Variants in DAZL observed in about 807,000 individuals in gnomAD.
DAZL encodes deleted in azoospermia like.
DAZL carries 4 observed loss-of-function variants against 45.0 expected under a neutral mutation model. That is an observed-to-expected ratio of 0.09 (90% CI 0.04 to 0.20). The LOEUF (loss-of-function observed/expected upper bound fraction) is 0.20. DAZL is among the 10% of genes least tolerant of loss of function. DAZL has a pLI of 1.00. For missense variants in DAZL, 326 were observed against 351.3 expected, an observed-to-expected ratio of 0.93 and a Z score of 0.58; for synonymous variants, 122 against 112.4, an observed-to-expected ratio of 1.09 and a Z score of -0.54.
chr3:16,592,822 A>ATCCT (rs1694541184), intron 9 of DAZL, among the ~76,000 whole-genome samples: 1 of 152,206 alleles, frequency 6.6e-6, no homozygotes, highest in Non-Finnish European at 1.5e-5. Context: ...CAAATCAAGG[A>ATCCT]ATTTACACTC....
rs186172467 is a variant in DAZL, at chr3:16,601,663, T to C, written c.4-3065A>G. On this transcript the variant is annotated intron_variant, in intron 1 of 10. Transcript: ENST00000399444. ...AAGAAAGTACCATCGTAACTGTCAA[T>C]AGCATCCTGAAAACAAACTGCATTA... Among the ~76,000 whole-genome samples the C allele has an allele frequency of 1.4e-4, 22 of 152,272 alleles. No individual in the cohort carries two copies. The East Asian group carries it at 2.7e-3, about 19-fold the overall frequency.
chr3:16,597,633 T>C, intron 3 of DAZL, 92 bp from the exon 4 acceptor site: 2 of 799,152 alleles, frequency 2.5e-6, no homozygotes, highest in Non-Finnish European at 4.5e-6. Flanking sequence ...ATGACTAAAA[T>C]ATGAATAATA....
Position 16,592,042 on chromosome 3 carries a change from A to G in DAZL, c.834+8T>C. The stretch of plus-strand genomic sequence containing the variant: ...CTTTTTAATTGTGCGTAACTGTTAT[A>G]TTCATACCTTGAAGTAGTCATCTTG... On this transcript the variant is annotated splice_region_variant and intron_variant, in intron 10 of 10. Coordinates refer to ENST00000399444, the MANE Select transcript of DAZL (RefSeq NM_001351.4). 6.2e-7 allele frequency: 1 copy of G among 1,610,334 alleles called. No homozygotes were observed. Among genetic ancestry groups the G allele is most frequent in the Non-Finnish European group, 8.5e-7 (1 of 1,176,774 alleles).
At position 16,592,162 on chromosome 3, in the gene DAZL, G is replaced by A. The variant is rs1325545762; in HGVS notation, c.736-14C>T. On this transcript the variant is annotated splice_polypyrimidine_tract_variant and intron_variant, in intron 9 of 10. Transcript: ENST00000399444. Reference sequence around the variant, plus strand: ...GTCCACAGATTTCTGAAACACAGAAGTTTTCAGTAATGTAAAGACGACTCT... The same window carrying A: ...GTCCACAGATTTCTGAAACACAGAAATTTTCAGTAATGTAAAGACGACTCT... The A allele has an allele frequency of 1.2e-6, 2 of 1,610,574 alleles. No individual in the cohort carries two copies. The highest frequency in any genetic ancestry group is 2.2e-5 in the East Asian group (1 of 44,820).
Position 16,592,120 on chromosome 3 carries a change from A to G in DAZL, c.764T>C (p.Val255Ala), listed in dbSNP as rs1222978626. The change falls in exon 10 of 11, where the codon GTG becomes GCG. Residue 255 changes from valine (V) to alanine (A), a missense_variant. By Grantham distance (64) the Val-to-Ala change is moderately conservative. Transcript: ENST00000399444. ...KKSVDRSIQT[V>A]VSCLFNPENR... The stretch of plus-strand genomic sequence containing the variant: ...CTCTGGATTAAACAGACAAGATACC[A>G]CCGTTTGTATGCTTCGGTCCACAGA... The G allele has an allele frequency of 1.2e-6, 2 of 1,613,538 alleles. No homozygotes were observed. Among genetic ancestry groups the G allele is most frequent in the African/African-American group, 2.7e-5 (2 of 74,910 alleles).
At chr3:16,596,965 G>C in intron 5 of DAZL, 23 bp downstream of exon 5, 1 of 1,612,982 alleles carries the variant, frequency 6.2e-7, no homozygotes, top group Non-Finnish European at 8.5e-7. Context: ...TGTTTAAAAA[G>C]AACAATTTCT....
At chr3:16,594,442 A>ATATG in intron 8 of DAZL, 91 bp downstream of exon 8, 1 of 966,624 alleles carries the variant, frequency 1.0e-6, no homozygotes, top group Non-Finnish European at 1.5e-6. Context: ...ATATAGGCAT[A>ATATG]TATGACATGG....
intron 1 of DAZL, chr3:16,604,919 C>T: frequency 1.5e-6 from 1 of 673,890 alleles, no homozygotes; most frequent in Non-Finnish European, 2.5e-6. Flanking sequence ...ATGGGTGCCT[C>T]AAGAAGGCCG....
At chr3:16,605,113 T>C (rs1575421967) in intron 1 of DAZL, 90 bp downstream of exon 1, 2 of 1,520,830 alleles carry the variant, frequency 1.3e-6, no homozygotes, top group East Asian at 2.3e-5. Flanking sequence ...AAGCCGAGGA[T>C]GACTTCACTT....
chr3:16,604,648 A>C, intron 1 of DAZL: 1 of 1,273,358 alleles, frequency 7.9e-7, no homozygotes, highest in Non-Finnish European at 1.0e-6. Flanking sequence ...AAGTACAGGG[A>C]CCAGGAGGGA....
chr3:16,595,582 G>C (rs1054836275), intron 6 of DAZL, among the ~76,000 whole-genome samples, 197 bp from the exon 7 acceptor site: 1 of 151,804 alleles, frequency 6.6e-6, no homozygotes, highest in Non-Finnish European at 1.5e-5. Flanking sequence ...GGTGGGGAGG[G>C]GGAACAGACA....
rs1239341545 is a variant in DAZL at position 16,605,302 on chromosome 3, CGCT to C, written c.-100_-98del. On this transcript the variant is annotated 5_prime_UTR_variant, in exon 1 of 11. Transcript: ENST00000399444. ...GGCTGCTGTGAGGTCCGCTGGAACC[CGCT>C]GCGCGGCTTCGAGTGGTCAAAGGAG... The C allele has an allele frequency of 6.8e-7, 1 of 1,465,420 alleles. No homozygotes were observed. The highest frequency in any genetic ancestry group is 9.6e-7 in the Non-Finnish European group (1 of 1,044,622). The allele number at this position is 1,465,420 out of a possible 1,614,324, so 90.8% of individuals were successfully genotyped here. A position where few individuals can be genotyped will look rare whatever the true frequency, so the allele number is the denominator to read the frequency against.
chr3:16,600,244 A>G (rs977304160), intron 1 of DAZL, among the ~76,000 whole-genome samples: 1 of 152,232 alleles, frequency 6.6e-6, no homozygotes, highest in South Asian at 2.1e-4. Context: ...TTTGAAAAGC[A>G]CAGTAATTTT....
intron 10 of DAZL, among the ~76,000 whole-genome samples, chr3:16,590,866 G>A (rs1694507874): frequency 6.6e-6 from 1 of 151,326 alleles, no homozygotes; most frequent in Non-Finnish European, 1.5e-5. Context: ...ACAGGATGGG[G>A]GAAAATAGCA....
rs138132669 is a variant in DAZL at position 16,590,646 on chromosome 3, T to C, written c.834+1404A>G. Reference sequence around the variant, plus strand: ...AAATAATCCCAATGTCTTTAACAGATGAATGGATAAACAGAATGAATAATA... The same window carrying C: ...AAATAATCCCAATGTCTTTAACAGACGAATGGATAAACAGAATGAATAATA... On this transcript the variant is annotated intron_variant, in intron 10 of 10. Transcript: ENST00000399444. 3.9e-5 allele frequency among the ~76,000 whole-genome samples: 6 copies of C among 152,332 alleles called. No individual in the cohort carries two copies. The East Asian group carries it at 7.7e-4, about 20-fold the overall frequency.
At chr3:16,596,496 A>G (rs201869206) in intron 6 of DAZL, among the ~76,000 whole-genome samples, 1 of 113,192 alleles carries the variant, frequency 8.8e-6, no homozygotes, top group African/African-American at 3.1e-5. Context: ...ATATGGGGGG[A>G]AAAAGGAAGA....
rs182834561 is a variant in DAZL at position 16,601,431 on chromosome 3, C to G, written c.4-2833G>C. The stretch of plus-strand genomic sequence containing the variant: ...GGAGGCACCATCATGTCCTAGTTCT[C>G]AGCCAGCAGGTGGCGCTCAAAGCTA... On this transcript the variant is annotated intron_variant, in intron 1 of 10. Coordinates refer to ENST00000399444, the MANE Select transcript of DAZL (RefSeq NM_001351.4). Among the ~76,000 whole-genome samples the G allele has an allele frequency of 6.6e-4, 100 of 152,316 alleles. 1 individual carries two copies. The highest frequency in any genetic ancestry group is 1.5e-4 in the Non-Finnish European group (10 of 68,028).
chr3:16,598,284 C>A, intron 2 of DAZL, 106 bp from the exon 3 acceptor site: 1 of 1,405,800 alleles, frequency 7.1e-7, no homozygotes, highest in African/African-American at 1.4e-5. Context: ...CATTTATCCC[C>A]AAATGACCAG....
chr3:16,598,491 G>A lies in DAZL; in HGVS notation c.111C>T (p.Ile37=), dbSNP rs1043191151. ...SQGYILPEGK[I]MPNTVFVGGI... Reference sequence around the variant, plus strand: ...CTCCAACAAAAACAGTGTTTGGCATGATTTTGCCTTCTGGTAAAATATAGC... The same window carrying A: ...CTCCAACAAAAACAGTGTTTGGCATAATTTTGCCTTCTGGTAAAATATAGC... Residue 37 remains isoleucine, a synonymous_variant, in exon 2 of 11, where the codon ATC becomes ATT. Coordinates refer to ENST00000399444, the MANE Select transcript of DAZL (RefSeq NM_001351.4). 2 of 1,609,452 alleles carry A rather than the reference G, an allele frequency of 1.2e-6. No individual in the cohort carries two copies. Among genetic ancestry groups the A allele is most frequent in the South Asian group, 2.2e-5 (2 of 91,060 alleles).
Sources: gnomAD v4.1 joint callset for allele counts (sites outside exome capture counted in the v4.1 genomes callset) on GRCh38, gnomAD v4.1.1 for gene constraint, MANE v1.5 for transcripts, NCBI Gene and HGNC (gene_info 2026-07-23, HGNC 2026-07-21) for gene names.